Variants in ANKS3 observed in about 807,000 individuals in gnomAD.
ANKS3 encodes the protein ankyrin repeat and sterile alpha motif domain containing 3, also known as ankyrin repeat and SAM domain-containing protein 3.
ANKS3 carries 62 observed loss-of-function variants against 80.7 expected under a neutral mutation model. The observed-to-expected ratio is 0.77, with a 90% CI of 0.63 to 0.95. The LOEUF (loss-of-function observed/expected upper bound fraction) is 0.95, where lower values mean the gene tolerates loss of function less well. Among genes scored for constraint, ANKS3 ranks in the 40% least tolerant of loss-of-function variants. The probability of loss-of-function intolerance (pLI) is 0.00; values close to 1 mark genes in which losing one functional copy is unlikely to be tolerated. For missense variants in ANKS3, 1,150 were observed against 883.6 expected (o/e 1.30, Z -3.82); for synonymous variants, 489 against 355.3 (o/e 1.38, Z -4.23).
chr16:4,699,244 C>G (rs1255320747), intron 11 of ANKS3, 68 bp from the exon 12 acceptor site: 1 of 1,562,762 alleles, frequency 6.4e-7, no homozygotes, highest in African/African-American at 1.4e-5. Context: ...TTTTCCTCCA[C>G]TCGGAGCCCC....
chr16:4,733,381 T>C (rs2081766328), intron 1 of ANKS3, among the ~76,000 whole-genome samples: 1 of 151,882 alleles, frequency 6.6e-6, no homozygotes, highest in African/African-American at 2.4e-5. Context: ...AACCTCCGCC[T>C]CCTGGGTTCA....
intron 5 of ANKS3, among the ~76,000 whole-genome samples, chr16:4,726,054 C>A (rs2081334471): frequency 6.6e-6 from 1 of 150,856 alleles, no homozygotes; most frequent in Non-Finnish European, 1.5e-5. Context: ...CGGCTCACTG[C>A]AAGCTCCACC....
Position 4,727,204 on chromosome 16 carries a change from A to T in ANKS3, c.171-27T>A, listed in dbSNP as rs769588283. The T allele has an allele frequency of 3.7e-6, 6 of 1,610,032 alleles. No homozygotes were observed. The South Asian group carries it at 4.4e-5, about 12-fold the overall frequency. On this transcript the variant is annotated intron_variant, in intron 3 of 17. Coordinates refer to ENST00000304283, the MANE Select transcript of ANKS3 (RefSeq NM_133450.4). ...TAAACAAACGCAAGATATGCTAGAC[A>T]TGGCCAGCCGCCTCGCATGTGGGGT...
At chr16:4,708,657 G>T (rs1018938664) in intron 7 of ANKS3, among the ~76,000 whole-genome samples, 3 of 152,176 alleles carry the variant, frequency 2.0e-5, no homozygotes, top group Admixed American at 2.0e-4. Flanking sequence ...GGAAGAGGCT[G>T]CGCACGGTGG....
Position 4,697,091 on chromosome 16 carries a change from G to C in ANKS3, c.1908C>G (p.Cys636Trp). The change falls in exon 17 of 18, where the codon TGC becomes TGG. Residue 636 changes from cysteine to tryptophan, a missense_variant. Cys to Trp is a radical substitution (Grantham distance 215). Transcript: ENST00000304283. ...GCTTCTCCAGGCTCTGGGTCACTAA[G>C]CACAGTGCTTGCCCTGAGGAATGAT... ...DRVREMGQAL[C>W]LVTQSLEKLQ... 7 of 1,613,798 alleles carry C rather than the reference G, an allele frequency of 4.3e-6. No individual in the cohort carries two copies. Among genetic ancestry groups the C allele is most frequent in the African/African-American group, 1.3e-5 (1 of 75,050 alleles).
intron 8 of ANKS3, among the ~76,000 whole-genome samples, chr16:4,704,441 C>G (rs2080079611): frequency 6.6e-6 from 1 of 152,158 alleles, no homozygotes; most frequent in South Asian, 2.1e-4. Context: ...ACACCTCCAG[C>G]TGAGCTCTGG....
chr16:4,732,695 A>C (rs1055074383), intron 1 of ANKS3, among the ~76,000 whole-genome samples: 1 of 151,550 alleles, frequency 6.6e-6, no homozygotes. Context: ...AAAAACAAAA[A>C]AAAAACACTA....
intron 8 of ANKS3, 48 bp from the exon 9 acceptor site, chr16:4,702,290 C>G (rs1360689748): frequency 1.4e-6 from 2 of 1,425,108 alleles, no homozygotes; most frequent in Non-Finnish European, 1.8e-6. Context: ...CAAAGTGAAA[C>G]CTCCTCAGAG....
At chr16:4,725,001 T>A in intron 5 of ANKS3, 170 bp from the exon 6 acceptor site, 1 of 550,138 alleles carries the variant, frequency 1.8e-6, no homozygotes. Context: ...ATATAACACA[T>A]CAGCTCCATT....
Position 4,714,108 on chromosome 16 carries a change from C to T in ANKS3, c.652G>A (p.Val218Met), listed in dbSNP as rs1157096117. 1.9e-6 allele frequency: 3 copies of T among 1,614,176 alleles called. No homozygotes were observed. The highest frequency in any genetic ancestry group is 1.6e-4 in the Middle Eastern group (1 of 6,062). The stretch of plus-strand genomic sequence containing the variant: ...GGCGAGTAAGTGTCCATCAAGGCCA[C>T]GATCTTCATGTGTCCGTACTGCTTG... Reference protein sequence around the residue: ...LAKQYGHMKIVALMDTYSPSL... With the variant: ...LAKQYGHMKIMALMDTYSPSL... Residue 218 changes from valine (V) to methionine (M), a missense_variant, in exon 7 of 18, where the codon GTG becomes ATG. By Grantham distance (21) the Val-to-Met change is conservative (BLOSUM62 1). Coordinates refer to ENST00000304283, the MANE Select transcript of ANKS3 (RefSeq NM_133450.4).
rs544346086 is a variant in ANKS3 at position 4,697,153 on chromosome 16, G to C, written c.1895-49C>G. The stretch of plus-strand genomic sequence containing the variant: ...TCTCCCGGCCAGGCTCAGGAGGGCT[G>C]GGTGGTGCTGCCCCGGGGTCTCAGC... On this transcript the variant is annotated intron_variant, in intron 16 of 17. Transcript: ENST00000304283. 14 of 1,597,626 alleles carry C rather than the reference G, an allele frequency of 8.8e-6. No individual in the cohort carries two copies. The South Asian group carries it at 1.3e-4, about 15-fold the overall frequency.
In ANKS3 at chr16:4,712,348, C is replaced by T. The variant is rs1596390462; in HGVS notation, c.709+1703G>A. 2.6e-5 allele frequency among the ~76,000 whole-genome samples: 4 copies of T among 152,008 alleles called. No homozygotes were observed. The South Asian group carries it at 8.3e-4, about 32-fold the overall frequency. On this transcript the variant is annotated intron_variant, in intron 7 of 17. Coordinates refer to ENST00000304283, the MANE Select transcript of ANKS3 (RefSeq NM_133450.4). ...TGAGCTGAGATCTCGCCACTCCAGTCCAGCCTGGGCAACAGAGCAAGACTC... is the reference window on the plus strand; with the variant it reads ...TGAGCTGAGATCTCGCCACTCCAGTTCAGCCTGGGCAACAGAGCAAGACTC...
chr16:4,710,467 G>C (rs1487245647), intron 7 of ANKS3, among the ~76,000 whole-genome samples: 2 of 152,142 alleles, frequency 1.3e-5, no homozygotes, highest in African/African-American at 4.8e-5. Context: ...CAGCACTTTG[G>C]GAGGCTGAGG....
chr16:4,699,015 C>G, intron 12 of ANKS3, 37 bp downstream of exon 12: 1 of 1,614,140 alleles, frequency 6.2e-7, no homozygotes, highest in Non-Finnish European at 8.5e-7. Context: ...TTGCCCCAAC[C>G]CCGGGCTGAG....
intron 7 of ANKS3, among the ~76,000 whole-genome samples, chr16:4,709,813 C>T (rs2080390180): frequency 6.6e-6 from 1 of 152,168 alleles, no homozygotes; most frequent in African/African-American, 2.4e-5. Flanking sequence ...GAGTTCAAAA[C>T]CAACCTGGTC....
rs188936281 is a variant in ANKS3, at chr16:4,698,182, G to A, written c.1725-120C>T. ...CTGTCCTTGCAGCTGGCCCTCATGGGCTGGGCCAGTGCCCCATGAGGCTGC... is the reference window on the plus strand; with the variant it reads ...CTGTCCTTGCAGCTGGCCCTCATGGACTGGGCCAGTGCCCCATGAGGCTGC... On this transcript the variant is annotated intron_variant, in intron 14 of 17. Transcript: ENST00000304283. The A allele has an allele frequency of 8.2e-4, 1,031 of 1,259,906 alleles. 9 individuals carry two copies. The African/African-American group carries it at 0.014, about 17-fold the overall frequency. 78.0% of individuals were successfully genotyped at this position (1,259,906 alleles called of 1,614,324 possible). A position where few individuals can be genotyped will look rare whatever the true frequency, so the allele number is the denominator to read the frequency against.
intron 7 of ANKS3, among the ~76,000 whole-genome samples, chr16:4,707,865 C>G (rs1306601119): frequency 6.6e-6 from 1 of 152,074 alleles, no homozygotes; most frequent in Non-Finnish European, 1.5e-5. Flanking sequence ...AATCCCAGCA[C>G]TTTGGGAGGC....
Position 4,698,608 on chromosome 16 carries a change from GGGTGGGGGGCGCGGGGAGGCTGGGA to G in ANKS3, c.1552-34_1552-10del. The G allele has an allele frequency of 6.5e-7, 1 of 1,549,072 alleles. No individual in the cohort carries two copies. The highest frequency in any genetic ancestry group is 8.7e-7 in the Non-Finnish European group (1 of 1,154,352). On this transcript the variant is annotated splice_polypyrimidine_tract_variant and intron_variant, in intron 13 of 17. Transcript: ENST00000304283. ...TCTACCTCCTCGCAGCGCTGCAGGG[GGGTGGGGGGCGCGGGGAGGCTGGGA>G]GGTGGCCGGTCAAGCCAGACCCTTG...
chr16:4,733,403 T>C (rs897628264), intron 1 of ANKS3, among the ~76,000 whole-genome samples: 2 of 152,008 alleles, frequency 1.3e-5, no homozygotes, highest in Non-Finnish European at 2.9e-5. Flanking sequence ...GCGATTCTCC[T>C]GCCTCAGCTT....
Sources: allele counts gnomAD v4.1 joint callset (sites outside exome capture counted in the v4.1 genomes callset), GRCh38; gene constraint gnomAD v4.1.1; transcripts MANE v1.5; gene names NCBI Gene and HGNC (gene_info 2026-07-23, HGNC 2026-07-21).